DGKB: variants seen among roughly 807,000 people sequenced by gnomAD.
DGKB encodes diacylglycerol kinase beta, also known as 90 kDa diacylglycerol kinase.
A neutral mutation model predicts 114.3 loss-of-function variants in DGKB; 67 were observed. The observed-to-expected ratio is 0.59, with a 90% CI of 0.48 to 0.72. The LOEUF is 0.72. DGKB is among the 30% of genes least tolerant of loss of function. The pLI, the probability that DGKB is intolerant of heterozygous loss-of-function variation, is 0.00. For synonymous variants in DGKB, 398 were observed against 323.1 expected (o/e 1.23, Z -2.49); for missense variants, 907 against 975.2 (o/e 0.93, Z 0.93).
chr7:14,923,983 C>CAAAAAAAAAAAAAAA lies in DGKB; in HGVS notation c.-188+50698_-188+50712dup, dbSNP rs56032330. 2.8e-3 allele frequency among the ~76,000 whole-genome samples: 216 copies of CAAAAAAAAAAAAAAA among 76,146 alleles called. 11 individuals are homozygous for CAAAAAAAAAAAAAAA. The highest frequency in any genetic ancestry group is 0.012 in the East Asian group (17 of 1,384). The allele number at this position is 76,146 out of a possible 152,430, so 50.0% of individuals were successfully genotyped here. A position where few individuals can be genotyped will look rare whatever the true frequency, so the allele number is the denominator to read the frequency against. Reference sequence around the variant, plus strand: ...TGGGCAACACAGTGAAGCTCCATCTCAAAAAAAAAAAAAAAAAAAAAGCTT... The same window carrying CAAAAAAAAAAAAAAA: ...TGGGCAACACAGTGAAGCTCCATCTCAAAAAAAAAAAAAAAAAAAAAAAAAAAAAAAAAAAAGCTT... On this transcript the variant is annotated intron_variant, in intron 1 of 4. Coordinates refer to the DGKB transcript ENST00000437998.
Position 14,723,097 on chromosome 7 carries a change from T to G in DGKB, c.323-4412A>C, listed in dbSNP as rs564910021. The stretch of plus-strand genomic sequence containing the variant: ...CTTATCTTCCTCGATTGCAGTTCAC[T>G]ACCCTGAAAAAAGTCCTTTTTCCTT... On this transcript the variant is annotated intron_variant, in intron 5 of 25. Transcript: ENST00000402815. Among the ~76,000 whole-genome samples the G allele has an allele frequency of 1.2e-4, 14 of 119,452 alleles. No individual in the cohort carries two copies. In the East Asian group the frequency reaches 0.011, roughly 95 times the overall value. 78.4% of individuals were successfully genotyped at this position (119,452 alleles called of 152,430 possible). A position where few individuals can be genotyped will look rare whatever the true frequency, so the allele number is the denominator to read the frequency against.
At chr7:14,969,857 G>T (rs1374102477) in intron 1 of DGKB, among the ~76,000 whole-genome samples, 1 of 152,160 alleles carries the variant, frequency 6.6e-6, no homozygotes, top group Non-Finnish European at 1.5e-5. Context: ...TAACACAATG[G>T]TAAGTATTTG....
At chr7:14,492,965 A>G (rs1322359847) in intron 20 of DGKB, among the ~76,000 whole-genome samples, 1 of 152,110 alleles carries the variant, frequency 6.6e-6, no homozygotes, top group East Asian at 1.9e-4. Context: ...GCTTACATAG[A>G]CATAACCATT....
At chr7:14,544,671 G>A (rs911212864) in intron 20 of DGKB, among the ~76,000 whole-genome samples, 1 of 152,076 alleles carries the variant, frequency 6.6e-6, no homozygotes, top group Non-Finnish European at 1.5e-5. Context: ...AATTATATTA[G>A]TCACATTTAT....
chr7:14,619,624 C>T (rs1689623705), intron 15 of DGKB, among the ~76,000 whole-genome samples: 1 of 151,606 alleles, frequency 6.6e-6, no homozygotes, highest in South Asian at 2.1e-4. Context: ...CAGTTACATA[C>T]ATGTTAAAAA....
chr7:14,598,634 T>G (rs1368733233), intron 17 of DGKB, among the ~76,000 whole-genome samples: 2 of 152,236 alleles, frequency 1.3e-5, no homozygotes, highest in African/African-American at 4.8e-5. Context: ...AACTATTTTT[T>G]GTTTTGAAAT....
chr7:14,449,008 A>T (rs187365839), intron 21 of DGKB, among the ~76,000 whole-genome samples: 120 of 152,268 alleles, frequency 7.9e-4, no homozygotes, highest in African/African-American at 2.7e-3. Flanking sequence ...GGATGGGTGC[A>T]ATAGATACAA....
chr7:14,842,574 T>C (rs1427996711), intron 1 of DGKB, among the ~76,000 whole-genome samples: 1 of 152,208 alleles, frequency 6.6e-6, no homozygotes, highest in East Asian at 1.9e-4. Context: ...GAATATGCAA[T>C]GACAATTGTG....
At chr7:14,781,717 T>A (rs1410753217) in intron 2 of DGKB, among the ~76,000 whole-genome samples, 1 of 152,204 alleles carries the variant, frequency 6.6e-6, no homozygotes, top group Non-Finnish European at 1.5e-5. Context: ...TAGTTATTTT[T>A]ACGCACCATT....
Position 14,685,252 on chromosome 7 carries a change from G to A in DGKB, c.822C>T (p.Cys274=). 1.2e-6 allele frequency: 2 copies of A among 1,611,468 alleles called. No individual in the cohort carries two copies. The highest frequency in any genetic ancestry group is 1.3e-5 in the African/African-American group (1 of 75,002). ...CAGAGCAAATGTACTCACAGGAACA[G>A]CAGAGGCCCTGCTTCCCCACGCCAA... is the stretch of plus-strand genomic sequence containing the variant. ...MLIGVGKQGL[C]CSFCKYTVHE... Residue 274 remains cysteine, a synonymous_variant, in exon 10 of 26, where the codon TGC becomes TGT. Coordinates refer to ENST00000402815, the MANE Select transcript of DGKB (RefSeq NM_001350709.2).
chr7:14,869,048 T>C (rs1222811303), intron 1 of DGKB, among the ~76,000 whole-genome samples: 1 of 152,158 alleles, frequency 6.6e-6, no homozygotes, highest in Non-Finnish European at 1.5e-5. Flanking sequence ...CTTCTAGGTG[T>C]TTTAATCCAA....
At position 14,770,084 on chromosome 7, in the gene DGKB, A is replaced by C. The variant is rs188736380; in HGVS notation, c.71-12353T>G. 7.1e-3 allele frequency among the ~76,000 whole-genome samples: 1,084 copies of C among 152,236 alleles called. 14 individuals carry two copies. Among genetic ancestry groups the C allele is most frequent in the African/African-American group, 0.025 (1,025 of 41,554 alleles). ...GCAAAACTTTAAAGGTGATGTTCAA[A>C]CAAACCTTCTCTGATGCATAGCCCT... On this transcript the variant is annotated intron_variant, in intron 2 of 25. Coordinates refer to ENST00000402815, the MANE Select transcript of DGKB (RefSeq NM_001350709.2).
chr7:14,727,841 A>G (rs1211660121), intron 5 of DGKB, among the ~76,000 whole-genome samples: 1 of 152,208 alleles, frequency 6.6e-6, no homozygotes, highest in Non-Finnish European at 1.5e-5. Context: ...TAATATCCTC[A>G]AGACAGTCCT....
intron 20 of DGKB, among the ~76,000 whole-genome samples, chr7:14,487,534 G>A (rs939813823): frequency 6.0e-5 from 9 of 150,124 alleles, no homozygotes; most frequent in Non-Finnish European, 1.3e-4. Flanking sequence ...TATGCCTACT[G>A]CCTAGATTTC....
intron 21 of DGKB, among the ~76,000 whole-genome samples, chr7:14,445,369 A>G (rs1583992900): frequency 2.6e-5 from 4 of 152,074 alleles, no homozygotes; most frequent in African/African-American, 7.2e-5. Flanking sequence ...TGTAATTATT[A>G]CCAAGCAAAA....
At chr7:14,951,916 TA>T (rs1342088892) in intron 1 of DGKB, among the ~76,000 whole-genome samples, 1 of 152,024 alleles carries the variant, frequency 6.6e-6, no homozygotes, top group Non-Finnish European at 1.5e-5. Context: ...AAAGAGGATC[TA>T]AATAAAAGGA....
At chr7:14,906,771 C>T (rs1783733331), upstream of DGKB, among the ~76,000 whole-genome samples, 1 of 152,150 alleles carries the variant, frequency 6.6e-6, no homozygotes, top group Admixed American at 6.6e-5. Context: ...CATCTTTAAT[C>T]ACAGCACTGT....
At chr7:14,225,197 G>A (rs117520032) in intron 23 of DGKB, among the ~76,000 whole-genome samples, 470 of 152,136 alleles carry the variant, frequency 3.1e-3, no homozygotes, top group Non-Finnish European at 5.8e-3. Flanking sequence ...GGAGCTTTCT[G>A]TTTTGCAGTC....
At chr7:14,241,828 A>C (rs1013185892) in intron 23 of DGKB, among the ~76,000 whole-genome samples, 1 of 152,100 alleles carries the variant, frequency 6.6e-6, no homozygotes, top group African/African-American at 2.4e-5. Context: ...ACTGAAAATT[A>C]ATGATTAAAT....
Sources: gnomAD v4.1 joint callset for allele counts (sites outside exome capture counted in the v4.1 genomes callset) on GRCh38, gnomAD v4.1.1 for gene constraint, MANE v1.5 for transcripts, NCBI Gene and HGNC (gene_info 2026-07-23, HGNC 2026-07-21) for gene names.